Variants in IL1RAPL1 observed in about 807,000 individuals in gnomAD.
IL1RAPL1 encodes interleukin-1 receptor accessory protein-like 1.
IL1RAPL1 carries 3 observed loss-of-function variants against 48.4 expected under a neutral mutation model. The ratio of observed to expected loss-of-function variants is 0.06; its 90% CI spans 0.03 to 0.16. The LOEUF is 0.16. Ranked by LOEUF, IL1RAPL1 falls within the 10% of genes least tolerant of loss-of-function variation. IL1RAPL1 has a pLI of 1.00. For synonymous variants in IL1RAPL1, 185 were observed against 187.7 expected (o/e 0.99, Z 0.12); for missense variants, 349 against 530.6 (o/e 0.66, Z 3.36).
At chrX:28,677,660 T>G (rs755897819) in intron 1 of IL1RAPL1, among the ~76,000 whole-genome samples, 1 of 110,521 alleles carries the variant, frequency 9.0e-6, no homozygotes, top group Admixed American at 9.6e-5. Flanking sequence ...TGATTTTGGC[T>G]CACTGTATCC....
intron 2 of IL1RAPL1, among the ~76,000 whole-genome samples, chrX:28,829,828 G>A (rs1921003656): frequency 9.0e-6 from 1 of 110,707 alleles, no homozygotes; most frequent in Non-Finnish European, 1.9e-5. Flanking sequence ...AAAGTGTTGG[G>A]ATTACAGGCG....
chrX:28,681,348 A>G (rs952354709), intron 1 of IL1RAPL1, among the ~76,000 whole-genome samples: 11 of 111,493 alleles, frequency 9.9e-5, no homozygotes, highest in African/African-American at 3.6e-4. Flanking sequence ...AAAGAAGGAA[A>G]CCCATTTTCA....
chrX:28,744,851 G>A lies in IL1RAPL1; in HGVS notation c.-24-44469G>A, dbSNP rs73630081. Among the ~76,000 whole-genome samples the A allele has an allele frequency of 7.7e-3, 861 of 111,710 alleles. 12 individuals are homozygous for A. Among genetic ancestry groups the A allele is most frequent in the African/African-American group, 0.027 (817 of 30,799 alleles). ...GGTCAGTAAAGTCCTCTTTGGGTAA[G>A]TGACTTCTTACCTGAGACCTTATAT... On this transcript the variant is annotated intron_variant, in intron 1 of 10. Transcript: ENST00000378993.
At chrX:29,625,059 G>A (rs1166926976) in intron 5 of IL1RAPL1, among the ~76,000 whole-genome samples, 1 of 111,685 alleles carries the variant, frequency 9.0e-6, no homozygotes, top group Non-Finnish European at 1.9e-5. Flanking sequence ...TAGCACAAAA[G>A]CAGTGATAGT....
intron 3 of IL1RAPL1, among the ~76,000 whole-genome samples, chrX:29,333,489 G>A (rs1326693085): frequency 6.3e-4 from 45 of 71,472 alleles, no homozygotes; most frequent in African/African-American, 8.4e-4. Flanking sequence ...GCCGGGCAGA[G>A]GCGCCCCTCA....
At chrX:28,640,509 C>A (rs1283526246) in intron 1 of IL1RAPL1, among the ~76,000 whole-genome samples, 3 of 109,029 alleles carry the variant, frequency 2.8e-5, no homozygotes, top group African/African-American at 6.7e-5. Flanking sequence ...CCACACCCGG[C>A]TAATTTTTGT....
chrX:29,795,587 T>A (rs1374857935), intron 6 of IL1RAPL1, among the ~76,000 whole-genome samples: 1 of 112,034 alleles, frequency 8.9e-6, no homozygotes, highest in East Asian at 2.8e-4. Flanking sequence ...ATTTTTGTAT[T>A]TTTAGTAAAG....
chrX:29,341,100 T>C (rs1209388936), intron 3 of IL1RAPL1, among the ~76,000 whole-genome samples: 1 of 111,941 alleles, frequency 8.9e-6, no homozygotes, highest in Non-Finnish European at 1.9e-5. Flanking sequence ...GTTCCTAGTA[T>C]GGCAGAATGA....
At chrX:29,236,076 T>A (rs1931288233) in intron 2 of IL1RAPL1, among the ~76,000 whole-genome samples, 1 of 112,648 alleles carries the variant, frequency 8.9e-6, no homozygotes, top group South Asian at 3.6e-4. Flanking sequence ...AACAATTTTA[T>A]AGAGAATACA....
At chrX:28,960,988 C>T (rs904822134) in intron 2 of IL1RAPL1, among the ~76,000 whole-genome samples, 6 of 76,366 alleles carry the variant, frequency 7.9e-5, no homozygotes, top group Admixed American at 2.2e-4. Context: ...CCAGCCTGGG[C>T]GACAGAGCGA....
At chrX:29,635,721 A>G (rs921935263) in intron 5 of IL1RAPL1, among the ~76,000 whole-genome samples, 1 of 110,631 alleles carries the variant, frequency 9.0e-6, no homozygotes, top group Non-Finnish European at 1.9e-5. Context: ...ACAGAAATAT[A>G]TAGAAGAAAA....
At chrX:29,221,654 C>T (rs1253549169) in intron 2 of IL1RAPL1, among the ~76,000 whole-genome samples, 1 of 95,134 alleles carries the variant, frequency 1.1e-5, no homozygotes, top group Admixed American at 1.3e-4. Flanking sequence ...CACACACACA[C>T]ACACACACAC....
intron 2 of IL1RAPL1, among the ~76,000 whole-genome samples, chrX:29,192,156 C>A (rs1416590307): frequency 3.6e-5 from 4 of 111,749 alleles, no homozygotes; most frequent in Non-Finnish European, 7.5e-5. Flanking sequence ...ACACGACTCG[C>A]AGGCATATGG....
At chrX:29,167,970 T>C (rs1050298707) in intron 2 of IL1RAPL1, among the ~76,000 whole-genome samples, 2 of 111,030 alleles carry the variant, frequency 1.8e-5, no homozygotes, top group East Asian at 5.6e-4. Flanking sequence ...ACCATGGTAA[T>C]GTTGGCTTGC....
In IL1RAPL1 at chrX:29,283,186, C is replaced by A; in HGVS notation, c.331C>A (p.Gln111Lys). The stretch of plus-strand genomic sequence containing the variant: ...CATTTGGTTCCGGCCAACATTGCTA[C>A]AGGACAGTGGTCTCTACGCCTGTGT... The part of the protein sequence containing the change: ...DSIWFRPTLL[Q>K]DSGLYACVIR... The change falls in exon 3 of 11, where the codon CAG (glutamine) becomes AAG (lysine). Residue 111 changes from glutamine (Q) to lysine (K), a missense_variant. Gln to Lys is a moderately conservative substitution (Grantham distance 53). Coordinates refer to ENST00000378993, the MANE Select transcript of IL1RAPL1 (RefSeq NM_014271.4). 8.3e-7 allele frequency: 1 copy of A among 1,211,648 alleles called. No individual in the cohort carries two copies. The highest frequency in any genetic ancestry group is 1.8e-5 in the South Asian group (1 of 57,008).
At chrX:29,738,524 C>T (rs1928111560) in intron 6 of IL1RAPL1, among the ~76,000 whole-genome samples, 1 of 104,276 alleles carries the variant, frequency 9.6e-6, no homozygotes, top group African/African-American at 3.6e-5. Flanking sequence ...CGGCTCACTG[C>T]AGCCTCGATT....
At chrX:29,162,239 G>A in intron 2 of IL1RAPL1, among the ~76,000 whole-genome samples, 1 of 110,950 alleles carries the variant, frequency 9.0e-6, no homozygotes. Context: ...GAGAGCATTA[G>A]GACAAATAGC....
chrX:28,665,849 G>A (rs1934871254), intron 1 of IL1RAPL1, among the ~76,000 whole-genome samples: 2 of 112,135 alleles, frequency 1.8e-5, no homozygotes, highest in African/African-American at 3.2e-5. Flanking sequence ...CCTGAGGTTA[G>A]TGACTAATGA....
chrX:28,770,883 G>A (rs1205051326), intron 1 of IL1RAPL1, among the ~76,000 whole-genome samples: 7 of 112,240 alleles, frequency 6.2e-5, no homozygotes, highest in African/African-American at 2.3e-4. Context: ...GTGGAGGCCA[G>A]TGGAAGTATT....
Sources: allele counts gnomAD v4.1 joint callset (sites outside exome capture counted in the v4.1 genomes callset), GRCh38; gene constraint gnomAD v4.1.1; transcripts MANE v1.5; gene names NCBI Gene and HGNC (gene_info 2026-07-23, HGNC 2026-07-21).